PAN2: variants seen among roughly 807,000 people sequenced by gnomAD.
PAN2 encodes the protein PAN2-PAN3 deadenylation complex catalytic subunit PAN2.
Under a neutral mutation model 133.3 loss-of-function variants are expected in PAN2, and 68 were observed. The ratio of observed to expected loss-of-function variants is 0.51; its 90% CI spans 0.42 to 0.62. The LOEUF (loss-of-function observed/expected upper bound fraction) is 0.62, where lower values mean the gene tolerates loss of function less well. Ranked by LOEUF, PAN2 falls within the 20% of genes least tolerant of loss-of-function variation. The pLI is 0.00. For synonymous variants in PAN2, 462 were observed against 544.6 expected (o/e 0.85, Z 2.11); for missense variants, 1,042 against 1,500.5 (o/e 0.69, Z 5.05).
chr12:56,324,258 A>G (rs1379756749), intron 12 of PAN2, 36 bp downstream of exon 12: 2 of 1,611,874 alleles, frequency 1.2e-6, no homozygotes, highest in Non-Finnish European at 1.7e-6. Context: ...GGGGCCTGTC[A>G]TGATGGCTTT....
At position 56,323,075 on chromosome 12, in the gene PAN2, C is replaced by T. The variant is rs1474969781; in HGVS notation, c.2480G>A (p.Gly827Glu). 1.2e-6 allele frequency: 2 copies of T among 1,614,018 alleles called. No homozygotes were observed. The highest frequency in any genetic ancestry group is 1.7e-6 in the Non-Finnish European group (2 of 1,180,042). Reference sequence around the variant, plus strand: ...TTTTTCAACAACCTGCATCTCATCCCCATCAGTCCAATTGCAAACATCCAG... The same window carrying T: ...TTTTTCAACAACCTGCATCTCATCCTCATCAGTCCAATTGCAAACATCCAG... ...KGLDVCNWTDGDEMQWGPARA... is the reference protein window; with the variant it reads ...KGLDVCNWTDEDEMQWGPARA... The change falls in exon 17 of 26, where the codon GGG (glycine) becomes GAG (glutamate). Residue 827 changes from glycine (G) to glutamate (E), a missense_variant. By Grantham distance (98) the Gly-to-Glu change is moderately conservative. Transcript: ENST00000440411.
chr12:56,322,587 T>C, intron 18 of PAN2, 28 bp downstream of exon 18: 1 of 1,613,528 alleles, frequency 6.2e-7, no homozygotes, highest in Non-Finnish European at 8.5e-7. Context: ...ATCCCAGGAG[T>C]GTTCCTGCCC....
In PAN2 at chr12:56,332,934, G is replaced by A. The variant is rs1876080444; in HGVS notation, c.161C>T (p.Ser54Leu). 2.5e-6 allele frequency: 4 copies of A among 1,614,200 alleles called. No individual in the cohort carries two copies. Among genetic ancestry groups the A allele is most frequent in the Non-Finnish European group, 3.4e-6 (4 of 1,180,036 alleles). ...GTAGACACCTTCCATTATGTGCACT[G>A]ATTCCTGGACGGGAAGAGCCTCCAA... Reference protein sequence around the residue: ...VALEALPVQESVHIMEGVYSE... With the variant: ...VALEALPVQELVHIMEGVYSE... Residue 54 changes from serine (S) to leucine (L), a missense_variant, in exon 2 of 26, where the codon TCA becomes TTA. Around this residue, in one of 3 missense-constraint regions of PAN2, gnomAD observed 908 missense variants for 1,223.5 expected, o/e 0.74. Transcript: ENST00000440411.
intron 7 of PAN2, 77 bp downstream of exon 7, chr12:56,326,540 C>A: frequency 6.6e-7 from 1 of 1,512,348 alleles, no homozygotes. Context: ...AGAATAACAA[C>A]AGGGCTAGCA....
chr12:56,319,382 G>A lies in PAN2; in HGVS notation c.3196C>T (p.Arg1066Cys), dbSNP rs761056104. The change falls in exon 23 of 26, where the codon CGT becomes TGT. Residue 1066 changes from arginine (R) to cysteine (C), a missense_variant. By Grantham distance (180) the Arg-to-Cys change is radical (BLOSUM62 -3). Coordinates refer to ENST00000440411, the MANE Select transcript of PAN2 (RefSeq NM_014871.6). The surrounding 1 kb of genome is among the most constrained non-coding windows in gnomAD (Gnocchi z 5.4). ...TTGACTCCAATGTCAATGAGAAAAC[G>A]AAGCTTTAAGTAGGTAGACTTGAGA... ...TTLKSTYLKL[R>C]FLIDIGVKFV... 3.1e-6 allele frequency: 5 copies of A among 1,614,170 alleles called. No homozygotes were observed. The highest frequency in any genetic ancestry group is 1.1e-5 in the South Asian group (1 of 91,072).
chr12:56,318,321 GGAAA>G lies in PAN2; in HGVS notation c.3474_3477del (p.Phe1159ThrfsTer89). 1 of 1,614,108 alleles carries G rather than the reference GGAAA, an allele frequency of 6.2e-7. No homozygotes were observed. Among genetic ancestry groups the G allele is most frequent in the Non-Finnish European group, 8.5e-7 (1 of 1,179,990 alleles). On this transcript the variant is annotated frameshift_variant, in exon 25 of 26. Transcript: ENST00000440411. LOFTEE classifies it high-confidence loss of function. ...TCATAAAGACCCTTGAGCACCTTGT[GGAAA>G]GACTCAGGCTCAGTGCCATTTTTGC... is the stretch of plus-strand genomic sequence containing the variant.
Position 56,326,315 on chromosome 12 carries a change from G to C in PAN2, c.1357C>G (p.Gln453Glu), listed in dbSNP as rs773144304. 3 of 1,596,230 alleles carry C rather than the reference G, an allele frequency of 1.9e-6. No homozygotes were observed. In the South Asian group the frequency reaches 3.3e-5, roughly 18 times the overall value. Residue 453 changes from glutamine to glutamate, a missense_variant and splice_region_variant, in exon 8 of 26, where the codon CAG (glutamine) becomes GAG (glutamate). By Grantham distance (29) the Gln-to-Glu change is conservative. This residue lies in a region of PAN2 where 908 missense variants were observed against 1,223.5 expected (regional missense o/e 0.74). Transcript: ENST00000440411. ...APNPRTRLRN[Q>E]IPYRLKESDS... ...CTGACCCTCCACTCTGAACACACCT[G>C]ATTGCGCAGCCTGGTGCGGGGATTG...
At position 56,333,927 on chromosome 12, in the gene PAN2, G is replaced by T. The variant is rs144051240; in HGVS notation, c.-180C>A. The stretch of plus-strand genomic sequence containing the variant: ...TAGAACGAGTAGGGGGAGCGCAAGC[G>T]CTGTCAGCTCCGCGGGAAATTCCAG... On this transcript the variant is annotated 5_prime_UTR_variant, in exon 1 of 26. Transcript: ENST00000440411. The T allele has an allele frequency of 8.5e-5, 13 of 152,334 alleles. No homozygotes were observed. The highest frequency in any genetic ancestry group is 2.9e-4 in the African/African-American group (12 of 41,578). 9.4% of individuals were successfully genotyped at this position (152,334 alleles called of 1,614,324 possible).
rs561193106 is a variant in PAN2 at position 56,333,414 on chromosome 12, G to A, written c.-114-206C>T. 240 of 385,696 alleles carry A rather than the reference G, an allele frequency of 6.2e-4. 1 individual carries two copies. The highest frequency in any genetic ancestry group is 1.8e-3 in the South Asian group (56 of 31,566). 23.9% of individuals were successfully genotyped at this position (385,696 alleles called of 1,614,324 possible). A position where few individuals can be genotyped will look rare whatever the true frequency, so the allele number is the denominator to read the frequency against. On this transcript the variant is annotated intron_variant, in intron 1 of 25. Coordinates refer to ENST00000440411, the MANE Select transcript of PAN2 (RefSeq NM_014871.6). ...CTATCCCTCCTCCGCTAGGCCCTCT[G>A]TACTCTCCACCACCCCATTATCTAA...
intron 2 of PAN2, among the ~76,000 whole-genome samples, chr12:56,331,251 C>T (rs1242020887): frequency 6.6e-6 from 1 of 152,228 alleles, no homozygotes; most frequent in Admixed American, 6.5e-5. Flanking sequence ...TCTACCTCTT[C>T]CAGTCCGGTA....
At chr12:56,325,262 A>C (rs925122857) in intron 9 of PAN2, 73 bp downstream of exon 9, 6 of 1,599,346 alleles carry the variant, frequency 3.8e-6, no homozygotes, top group African/African-American at 2.7e-5. Context: ...TGAGTCCTTC[A>C]ATCCTTTCTC....
chr12:56,320,115 A>G, intron 20 of PAN2, 94 bp from the exon 21 acceptor site: 1 of 1,132,776 alleles, frequency 8.8e-7, no homozygotes, highest in Non-Finnish European at 1.3e-6. Context: ...CTGGGTCTTC[A>G]CTGTGATCCC....
chr12:56,318,517 A>G (rs1874153653), intron 24 of PAN2, 83 bp from the exon 25 acceptor site: 2 of 1,082,740 alleles, frequency 1.8e-6, no homozygotes, highest in African/African-American at 1.6e-5. Flanking sequence ...TGACTCCAGA[A>G]AACTAAAAAG....
In PAN2 at chr12:56,322,628, T is replaced by C; in HGVS notation, c.2624A>G (p.His875Arg). 1 of 1,614,128 alleles carries C rather than the reference T, an allele frequency of 6.2e-7. No individual in the cohort carries two copies. Among genetic ancestry groups the C allele is most frequent in the Non-Finnish European group, 8.5e-7 (1 of 1,180,016 alleles). ...AACCTCACTCACCTCCTTGCGCTGG[T>C]GGTAGGTCTCTCCAACTTTGATGTG... is the stretch of plus-strand genomic sequence containing the variant. ...VAHIKVGETY[H>R]QRKEGVTHQQ... The change falls in exon 18 of 26, where the codon CAC becomes CGC. Residue 875 changes from histidine (H) to arginine (R), a missense_variant. Around this residue, in one of 3 missense-constraint regions of PAN2, gnomAD observed 908 missense variants for 1,223.5 expected, o/e 0.74. Transcript: ENST00000440411.
chr12:56,328,189 C>A, intron 4 of PAN2, 49 bp downstream of exon 4: 2 of 1,593,040 alleles, frequency 1.3e-6, no homozygotes, highest in South Asian at 1.1e-5. Context: ...ACCCTGCCCC[C>A]GCAACAACCT....
chr12:56,331,714 T>A (rs866275212), intron 2 of PAN2, among the ~76,000 whole-genome samples: 13 of 148,110 alleles, frequency 8.8e-5, no homozygotes, highest in African/African-American at 3.2e-4. Flanking sequence ...TTTTTTTTTT[T>A]GTTTTTTGTT....
chr12:56,324,203 G>A lies in PAN2; in HGVS notation c.1929-18C>T. 1 of 1,613,252 alleles carries A rather than the reference G, an allele frequency of 6.2e-7. No individual in the cohort carries two copies. Among genetic ancestry groups the A allele is most frequent in the Admixed American group, 1.7e-5 (1 of 60,028 alleles). On this transcript the variant is annotated intron_variant, in intron 12 of 25. Transcript: ENST00000440411. Reference sequence around the variant, plus strand: ...AAAAGCTGCTAAGAGTGGAGAGGATGATATATGCACATTGAGGAAGTTAGG... The same window carrying A: ...AAAAGCTGCTAAGAGTGGAGAGGATAATATATGCACATTGAGGAAGTTAGG...
At chr12:56,324,823 C>G (rs1199871232) in intron 10 of PAN2, 114 bp from the exon 11 acceptor site, 1 of 1,422,660 alleles carries the variant, frequency 7.0e-7, no homozygotes. Context: ...TCCACCGAAG[C>G]AGTGAGTCCA....
At chr12:56,332,437 T>G (rs1875995421) in intron 2 of PAN2, among the ~76,000 whole-genome samples, 1 of 151,898 alleles carries the variant, frequency 6.6e-6, no homozygotes, top group African/African-American at 2.4e-5. Flanking sequence ...CTAAAAAATT[T>G]TTTAAAAATT....
Sources: gnomAD v4.1 joint callset for allele counts (sites outside exome capture counted in the v4.1 genomes callset) on GRCh38, gnomAD v4.1.1 for gene constraint, gnomAD v4.1.1 regional missense constraint, Gnocchi (gnomAD v3.1) non-coding constraint, MANE v1.5 for transcripts, NCBI Gene and HGNC (gene_info 2026-07-23, HGNC 2026-07-21) for gene names.